NCAM2: variants seen among roughly 807,000 people sequenced by gnomAD.
The protein encoded by NCAM2 is neural cell adhesion molecule 2.
A neutral mutation model predicts 98.1 loss-of-function variants in NCAM2; 30 were observed. The observed-to-expected ratio is 0.31, with a 90% CI of 0.23 to 0.41. The LOEUF is 0.41. Ranked by LOEUF, NCAM2 falls within the 10% of genes least tolerant of loss-of-function variation. NCAM2 has a pLI of 1.00. For missense variants in NCAM2, 867 were observed against 1,005.8 expected (o/e 0.86, Z 1.87); for synonymous variants, 368 against 342.4 (o/e 1.07, Z -0.83).
intron 9 of NCAM2, among the ~76,000 whole-genome samples, chr21:21,392,552 T>C (rs181965108): frequency 1.7e-4 from 26 of 152,350 alleles, no homozygotes; most frequent in Non-Finnish European, 2.9e-5. Context: ...GCTGAACTAA[T>C]ATACACTGCC....
intron 1 of NCAM2, among the ~76,000 whole-genome samples, chr21:21,096,003 G>A (rs2066114986): frequency 6.6e-6 from 1 of 151,606 alleles, no homozygotes; most frequent in Non-Finnish European, 1.5e-5. Flanking sequence ...AATAAGAACA[G>A]AACATCTGTT....
chr21:21,134,155 G>A (rs995729947), intron 1 of NCAM2, among the ~76,000 whole-genome samples: 13 of 149,740 alleles, frequency 8.7e-5, no homozygotes, highest in Non-Finnish European at 1.2e-4. Context: ...TGCAACCTCC[G>A]CCTCCCGGGT....
At chr21:21,069,259 T>G (rs1300483949) in intron 1 of NCAM2, among the ~76,000 whole-genome samples, 1 of 152,170 alleles carries the variant, frequency 6.6e-6, no homozygotes, top group East Asian at 1.9e-4. Flanking sequence ...AATGCTGAAG[T>G]GTCTTTCATT....
intron 12 of NCAM2, among the ~76,000 whole-genome samples, chr21:21,451,190 A>C (rs947050225): frequency 2.6e-5 from 4 of 152,122 alleles, no homozygotes; most frequent in Admixed American, 2.6e-4. Context: ...TGAGTCTTCC[A>C]TATCATTTGA....
rs180894612 is a variant in NCAM2, at chr21:21,470,105, C to T, written c.1896+1322C>T. On this transcript the variant is annotated intron_variant, in intron 14 of 17. Coordinates refer to ENST00000400546, the MANE Select transcript of NCAM2 (RefSeq NM_004540.5). ...TAAAATGCAATGACTACTTGTGAGA[C>T]AACGTGTTGTATATTTTTATTTGTA... 2.3e-3 allele frequency among the ~76,000 whole-genome samples: 357 copies of T among 152,108 alleles called. 1 individual carries two copies. The highest frequency in any genetic ancestry group is 3.4e-3 in the Non-Finnish European group (234 of 67,964).
chr21:21,427,768 A>G (rs984331206), intron 11 of NCAM2, among the ~76,000 whole-genome samples: 1 of 152,220 alleles, frequency 6.6e-6, no homozygotes, highest in East Asian at 1.9e-4. Context: ...TGAGCTGAAC[A>G]TCGATATTGT....
At chr21:21,210,381 A>G (rs1020492148) in intron 1 of NCAM2, among the ~76,000 whole-genome samples, 40 of 152,192 alleles carry the variant, frequency 2.6e-4, no homozygotes, top group African/African-American at 9.6e-4. Context: ...TAGATTCTAT[A>G]AGCTGAGGAA....
chr21:21,104,923 A>G (rs1487295155), intron 1 of NCAM2, among the ~76,000 whole-genome samples: 1 of 152,084 alleles, frequency 6.6e-6, no homozygotes, highest in Non-Finnish European at 1.5e-5. Flanking sequence ...GGAGCAGCCC[A>G]GTGGGGAGGT....
intron 1 of NCAM2, among the ~76,000 whole-genome samples, chr21:21,152,009 AAAATGTGG>A (rs2146714207): frequency 1.3e-5 from 2 of 152,134 alleles, no homozygotes; most frequent in South Asian, 4.1e-4. Context: ...ATTGCTTAAT[AAAATGTGG>A]AAATTTTCCA....
chr21:21,107,418 G>A (rs770990058), intron 1 of NCAM2, among the ~76,000 whole-genome samples: 1 of 151,962 alleles, frequency 6.6e-6, no homozygotes, highest in Non-Finnish European at 1.5e-5. Context: ...TAGTCACACA[G>A]CTTCCAAAAT....
At position 21,062,948 on chromosome 21, in the gene NCAM2, C is replaced by T. The variant is rs528605552; in HGVS notation, c.55+64330C>T. Among the ~76,000 whole-genome samples the T allele has an allele frequency of 1.4e-4, 21 of 152,154 alleles. No individual in the cohort carries two copies. The South Asian group carries it at 4.4e-3, about 32-fold the overall frequency. Reference sequence around the variant, plus strand: ...AGCATTTACATTCCAAGTATCTTTGCAGTGTTAGTGTTATGTTGTATCATA... The same window carrying T: ...AGCATTTACATTCCAAGTATCTTTGTAGTGTTAGTGTTATGTTGTATCATA... On this transcript the variant is annotated intron_variant, in intron 1 of 17. Coordinates refer to ENST00000400546, the MANE Select transcript of NCAM2 (RefSeq NM_004540.5).
intron 16 of NCAM2, among the ~76,000 whole-genome samples, chr21:21,522,632 C>CTTTTTTTTT (rs61635255): frequency 7.2e-5 from 9 of 124,746 alleles, no homozygotes; most frequent in African/African-American, 1.5e-4. Context: ...TTTTCTTTTT[C>CTTTTTTTTT]TTTTTTTTTT....
intron 14 of NCAM2, among the ~76,000 whole-genome samples, chr21:21,472,371 A>G (rs1382669653): frequency 1.3e-5 from 2 of 152,036 alleles, no homozygotes; most frequent in Non-Finnish European, 2.9e-5. Context: ...TAAATAAGTA[A>G]AATCAAGCTT....
rs138346141 is a variant in NCAM2, at chr21:21,157,178, CATT to C, written c.56-123399_56-123397del. On this transcript the variant is annotated intron_variant, in intron 1 of 17. Transcript: ENST00000400546. ...TCTTTCACTCAACTAATATGTTACTCATTGTTGGGTTAATAGAAAGGAATTATA... is the reference window on the plus strand; with the variant it reads ...TCTTTCACTCAACTAATATGTTACTCGTTGGGTTAATAGAAAGGAATTATA... 3.7e-3 allele frequency among the ~76,000 whole-genome samples: 557 copies of C among 152,198 alleles called. 7 individuals carry two copies. Among genetic ancestry groups the C allele is most frequent in the African/African-American group, 0.013 (531 of 41,544 alleles).
chr21:21,077,242 ATGTGTGGCTT>A (rs1254525321), intron 1 of NCAM2, among the ~76,000 whole-genome samples: 1 of 152,198 alleles, frequency 6.6e-6, no homozygotes, highest in Non-Finnish European at 1.5e-5. Flanking sequence ...AATGTAAATT[ATGTGTGGCTT>A]TGGAATTAAC....
At chr21:21,322,669 C>A (rs537983186) in intron 5 of NCAM2, among the ~76,000 whole-genome samples, 5 of 152,094 alleles carry the variant, frequency 3.3e-5, no homozygotes, top group African/African-American at 9.6e-5. Context: ...TAGTGGGTGC[C>A]GGTTAATCTG....
At chr21:21,210,617 G>T in intron 1 of NCAM2, 3 of 1,288,310 alleles carry the variant, frequency 2.3e-6, no homozygotes, top group Non-Finnish European at 3.0e-6. Context: ...AACAGGCAAG[G>T]TCTCTTTGTT....
intron 16 of NCAM2, among the ~76,000 whole-genome samples, chr21:21,523,160 T>C (rs1427228196): frequency 6.6e-6 from 1 of 152,152 alleles, no homozygotes; most frequent in Admixed American, 6.6e-5. Flanking sequence ...TTACTGATGG[T>C]TTCCCTTGCT....
At chr21:21,019,067 A>T (rs2064376153) in intron 1 of NCAM2, among the ~76,000 whole-genome samples, 1 of 152,188 alleles carries the variant, frequency 6.6e-6, no homozygotes, top group Non-Finnish European at 1.5e-5. Flanking sequence ...GAGGCCAATG[A>T]CTGCTTAGTG....
Sources: gnomAD v4.1 joint callset for allele counts (sites outside exome capture counted in the v4.1 genomes callset) on GRCh38, gnomAD v4.1.1 for gene constraint, MANE v1.5 for transcripts, NCBI Gene and HGNC (gene_info 2026-07-23, HGNC 2026-07-21) for gene names.